PABPC4L: variants seen among roughly 807,000 people sequenced by gnomAD.
PABPC4L encodes the protein polyadenylate-binding protein 4-like.
For synonymous variants in PABPC4L, 169 were observed against 164.1 expected (o/e 1.03, Z -0.23); for missense variants, 452 against 451.4 (o/e 1.00, Z -0.01).
chr4:134,097,896 A>C, the PABPC4L span, among the ~76,000 whole-genome samples: 1 of 151,754 alleles, frequency 6.6e-6, no homozygotes, highest in East Asian at 1.9e-4. Flanking sequence ...ACTTGTTTGG[A>C]CTTACTCCTG....
chr4:134,067,689 AC>A, the PABPC4L span, among the ~76,000 whole-genome samples: 1 of 151,804 alleles, frequency 6.6e-6, no homozygotes, highest in Non-Finnish European at 1.5e-5. Flanking sequence ...CCTCTTAACC[AC>A]CTTAGTAATG....
the PABPC4L span, among the ~76,000 whole-genome samples, chr4:134,092,442 C>G: frequency 6.6e-6 from 1 of 152,010 alleles, no homozygotes; most frequent in African/African-American, 2.4e-5. Context: ...AATAAAACCT[C>G]TTCATTCACC....
chr4:134,137,439 C>T, the PABPC4L span, among the ~76,000 whole-genome samples: 1 of 151,748 alleles, frequency 6.6e-6, no homozygotes, highest in South Asian at 2.1e-4. Context: ...ACTTGAGTTG[C>T]TTTATTTCAT....
At chr4:134,182,183 A>G in the PABPC4L span, among the ~76,000 whole-genome samples, 2 of 151,916 alleles carry the variant, frequency 1.3e-5, no homozygotes, top group Non-Finnish European at 2.9e-5. Context: ...AAAAAAGCTG[A>G]AAGCATCACA....
the PABPC4L span, among the ~76,000 whole-genome samples, chr4:134,037,165 TTTTCTAATTCTGTAAAAAATATATTG>T: frequency 6.6e-6 from 1 of 152,128 alleles, no homozygotes; most frequent in African/African-American, 2.4e-5. Flanking sequence ...TAGGATTGTC[TTTTCTAATTCTGTAAAAAATATATTG>T]GTATTCTGTC....
chr4:133,962,398 C>A, the PABPC4L span, among the ~76,000 whole-genome samples: 808 of 152,148 alleles, frequency 5.3e-3, 8 homozygotes, highest in African/African-American at 0.018. Flanking sequence ...CAAGAAGTGA[C>A]GGGAGAAATA....
At chr4:134,118,643 T>G in the PABPC4L span, among the ~76,000 whole-genome samples, 3 of 151,880 alleles carry the variant, frequency 2.0e-5, no homozygotes, top group Non-Finnish European at 4.4e-5. Context: ...TTGCTGATAT[T>G]TTATATTTTA....
intron 1 of PABPC4L, among the ~76,000 whole-genome samples, 196 bp downstream of exon 1, chr4:134,201,522 C>T (rs1465194260): frequency 6.6e-6 from 1 of 152,114 alleles, no homozygotes. Context: ...GTACCGGGTT[C>T]TGCAGGCGCC....
the PABPC4L span, among the ~76,000 whole-genome samples, chr4:134,171,000 T>G: frequency 4.6e-5 from 7 of 152,288 alleles, no homozygotes; most frequent in Admixed American, 1.3e-4. Context: ...GCATTTGTTA[T>G]TTTTTGACTT....
the PABPC4L span, among the ~76,000 whole-genome samples, chr4:134,143,526 T>C: frequency 6.0e-5 from 9 of 150,630 alleles, no homozygotes; most frequent in Non-Finnish European, 1.0e-4. Flanking sequence ...AGGGAACTTA[T>C]GTTAATACAC....
chr4:134,123,763 G>C, the PABPC4L span, among the ~76,000 whole-genome samples: 1 of 151,356 alleles, frequency 6.6e-6, no homozygotes, highest in Admixed American at 6.6e-5. Flanking sequence ...ATGCCTAAGA[G>C]AAAGGCATAG....
chr4:134,101,734 G>A, the PABPC4L span, among the ~76,000 whole-genome samples: 6 of 151,340 alleles, frequency 4.0e-5, no homozygotes, highest in Non-Finnish European at 8.9e-5. Flanking sequence ...AGATTGATTG[G>A]TGGAACTACA....
the PABPC4L span, among the ~76,000 whole-genome samples, chr4:134,070,328 TGCATGTGCATCG>T: frequency 1.3e-5 from 2 of 151,930 alleles, no homozygotes; most frequent in Non-Finnish European, 2.9e-5. Flanking sequence ...TGTGGTGGGG[TGCATGTGCATCG>T]GCTGTGGTGA....
chr4:133,951,588 C>T, the PABPC4L span, among the ~76,000 whole-genome samples: 1 of 152,114 alleles, frequency 6.6e-6, no homozygotes, highest in Non-Finnish European at 1.5e-5. Context: ...CAACAGGTTG[C>T]CTCTTCTGAC....
chr4:134,026,905 C>T, the PABPC4L span, among the ~76,000 whole-genome samples: 3 of 152,132 alleles, frequency 2.0e-5, no homozygotes, highest in African/African-American at 7.2e-5. Context: ...TGGATTCTTC[C>T]TCATGGCTCT....
At chr4:134,143,371 T>C in the PABPC4L span, among the ~76,000 whole-genome samples, 1 of 150,218 alleles carries the variant, frequency 6.7e-6, no homozygotes, top group Non-Finnish European at 1.5e-5. Context: ...TATGCACATA[T>C]GTAATTGTGT....
the PABPC4L span, among the ~76,000 whole-genome samples, chr4:134,180,159 G>A: frequency 6.6e-6 from 1 of 151,978 alleles, no homozygotes; most frequent in African/African-American, 2.4e-5. Context: ...ACAATCCTCA[G>A]CAAATTCATA....
Position 134,200,542 on chromosome 4 carries a change from T to A in PABPC4L, c.478A>T (p.Lys160Ter). Residue 160 changes from lysine (K) to a stop codon, truncating the protein, a stop_gained, in exon 2 of 2, where the codon AAA (lysine) becomes TAA (stop). Coordinates refer to ENST00000421491, the MANE Select transcript of PABPC4L (RefSeq NM_001114734.2). LOFTEE classifies it low-confidence loss of function (END_TRUNC). Reference sequence around the variant, plus strand: ...AACACCTTGCAGCCCTTGAGTAGTTTTCCATTCATCTCCTCAATGGCCCTG... The same window carrying A: ...AACACCTTGCAGCCCTTGAGTAGTTATCCATTCATCTCCTCAATGGCCCTG... ...ADRAIEEMNG[K>*]LLKGCKVFVG... is the part of the protein sequence containing the mutation. 2 of 1,551,652 alleles carry A rather than the reference T, an allele frequency of 1.3e-6. No individual in the cohort carries two copies. The highest frequency in any genetic ancestry group is 1.7e-6 in the Non-Finnish European group (2 of 1,146,984).
At chr4:134,132,381 T>A in the PABPC4L span, among the ~76,000 whole-genome samples, 2 of 150,830 alleles carry the variant, frequency 1.3e-5, no homozygotes, top group African/African-American at 4.9e-5. Flanking sequence ...AAACAAACAA[T>A]CTCATCAAAA....
Sources: allele counts gnomAD v4.1 joint callset (sites outside exome capture counted in the v4.1 genomes callset), GRCh38; gene constraint gnomAD v4.1.1; transcripts MANE v1.5; gene names NCBI Gene and HGNC (gene_info 2026-07-23, HGNC 2026-07-21).